Variants in NRXN3 observed in about 807,000 individuals in gnomAD.
NRXN3 encodes neurexin 3.
Under a neutral mutation model 137.6 loss-of-function variants are expected in NRXN3, and 32 were observed. The ratio of observed to expected loss-of-function variants is 0.23; its 90% CI spans 0.18 to 0.31. The LOEUF is 0.31. Among genes scored for constraint, NRXN3 ranks in the 10% least tolerant of loss-of-function variants. NRXN3 has a pLI of 1.00. For synonymous variants in NRXN3, 798 were observed against 784.5 expected (o/e 1.02, Z -0.29); for missense variants, 1,574 against 2,062.5 (o/e 0.76, Z 4.59).
At chr14:78,639,571 C>T (rs1347153818) in intron 4 of NRXN3, among the ~76,000 whole-genome samples, 1 of 152,198 alleles carries the variant, frequency 6.6e-6, no homozygotes, top group Non-Finnish European at 1.5e-5. Context: ...ACCTACTCCC[C>T]TACTTGCCTG....
At chr14:79,705,472 T>G (rs1416106090) in intron 19 of NRXN3, among the ~76,000 whole-genome samples, 2 of 152,170 alleles carry the variant, frequency 1.3e-5, no homozygotes, top group South Asian at 2.1e-4. Context: ...AAAATTGATA[T>G]TTGACTTTTT....
At chr14:78,447,543 C>T (rs2094449679) in intron 4 of NRXN3, among the ~76,000 whole-genome samples, 2 of 152,182 alleles carry the variant, frequency 1.3e-5, no homozygotes, top group Non-Finnish European at 2.9e-5. Context: ...GAGGGGCCAG[C>T]CCTTGTCTGG....
chr14:78,402,365 A>G (rs1567487716), intron 4 of NRXN3, among the ~76,000 whole-genome samples: 1 of 152,206 alleles, frequency 6.6e-6, no homozygotes, highest in African/African-American at 2.4e-5. Context: ...AAGTGGATTG[A>G]TGGGTCTTTT....
At chr14:78,254,326 T>C (rs186975624) in intron 2 of NRXN3, among the ~76,000 whole-genome samples, 13 of 152,276 alleles carry the variant, frequency 8.5e-5, no homozygotes, top group African/African-American at 3.1e-4. Context: ...CATACCCAAC[T>C]AGGTTTTTAG....
chr14:78,769,687 C>G (rs1387729688), intron 8 of NRXN3, among the ~76,000 whole-genome samples: 1 of 152,188 alleles, frequency 6.6e-6, no homozygotes, highest in African/African-American at 2.4e-5. Context: ...CAGTGACACA[C>G]CTAACCATGC....
intron 15 of NRXN3, among the ~76,000 whole-genome samples, chr14:79,230,915 T>G (rs1469434770): frequency 4.6e-5 from 7 of 152,146 alleles, no homozygotes; most frequent in Non-Finnish European, 1.0e-4. Flanking sequence ...CCTTTTACCC[T>G]TTTCTTAGCA....
chr14:79,042,198 C>T (rs1250739088), intron 15 of NRXN3, among the ~76,000 whole-genome samples: 1 of 152,224 alleles, frequency 6.6e-6, no homozygotes, highest in Non-Finnish European at 1.5e-5. Context: ...TCCTTACATG[C>T]AGCTGGTTCT....
At chr14:79,115,262 C>T (rs1299299479) in intron 15 of NRXN3, among the ~76,000 whole-genome samples, 1 of 148,558 alleles carries the variant, frequency 6.7e-6, no homozygotes, top group Non-Finnish European at 1.5e-5. Flanking sequence ...GAGACGGAGG[C>T]TGCGGTCAGC....
At chr14:78,778,796 C>CTTTG (rs1464716049) in intron 8 of NRXN3, among the ~76,000 whole-genome samples, 1 of 119,868 alleles carries the variant, frequency 8.3e-6, no homozygotes, top group African/African-American at 3.4e-5. Flanking sequence ...TTCTTTCTTT[C>CTTTG]TTTCTTTCTT....
intron 15 of NRXN3, among the ~76,000 whole-genome samples, chr14:79,325,832 A>G (rs1020786280): frequency 3.9e-5 from 6 of 152,136 alleles, no homozygotes; most frequent in South Asian, 2.1e-4. Flanking sequence ...TGTGTGCACA[A>G]TGCCATCTTG....
At chr14:79,371,307 T>A (rs1233245876) in intron 15 of NRXN3, among the ~76,000 whole-genome samples, 1 of 151,954 alleles carries the variant, frequency 6.6e-6, no homozygotes, top group East Asian at 1.9e-4. Flanking sequence ...TCACAGAGAG[T>A]TAGGGTGACA....
chr14:79,650,395 T>C (rs780793080), intron 16 of NRXN3, among the ~76,000 whole-genome samples: 6 of 152,178 alleles, frequency 3.9e-5, no homozygotes, highest in Non-Finnish European at 8.8e-5. Context: ...TTTGTCCCCA[T>C]CAGCGATCTA....
chr14:79,508,150 T>C (rs2096895521), intron 16 of NRXN3, among the ~76,000 whole-genome samples: 1 of 152,096 alleles, frequency 6.6e-6, no homozygotes, highest in Non-Finnish European at 1.5e-5. Flanking sequence ...TCGTAATCTA[T>C]TAAATGGGGC....
chr14:78,549,008 C>T (rs1457295318), intron 4 of NRXN3, among the ~76,000 whole-genome samples: 1 of 152,216 alleles, frequency 6.6e-6, no homozygotes, highest in Non-Finnish European at 1.5e-5. Flanking sequence ...GGGACCAGGA[C>T]TCTCACTTCC....
rs540055241 is a variant in NRXN3 at position 79,780,566 on chromosome 14, G to A, written c.4015-24546G>A. 7.6e-4 allele frequency among the ~76,000 whole-genome samples: 115 copies of A among 152,152 alleles called. 2 individuals carry two copies. In the South Asian group the frequency reaches 0.019, roughly 25 times the overall value. On this transcript the variant is annotated intron_variant, in intron 19 of 20. Coordinates refer to ENST00000335750, the MANE Select transcript of NRXN3 (RefSeq NM_001330195.2). ...GGAGCTTGCAGTGAGTCGAGACTGC[G>A]CCACTGCACTCCAGCCTGGGCGACA... is the stretch of plus-strand genomic sequence containing the variant.
chr14:78,969,991 T>C (rs1309283285), intron 14 of NRXN3, among the ~76,000 whole-genome samples: 3 of 152,180 alleles, frequency 2.0e-5, no homozygotes, highest in Non-Finnish European at 2.9e-5. Context: ...TAAAGGGCAA[T>C]CCTGGAATAG....
chr14:79,710,781 C>CTCTTT (rs2098800719), intron 19 of NRXN3, among the ~76,000 whole-genome samples: 2 of 152,114 alleles, frequency 1.3e-5, no homozygotes, highest in South Asian at 4.1e-4. Context: ...GACAAAAACC[C>CTCTTT]TCTTTTCTTA....
chr14:79,745,279 G>A (rs1352294945), intron 19 of NRXN3, among the ~76,000 whole-genome samples: 1 of 152,068 alleles, frequency 6.6e-6, no homozygotes, highest in Non-Finnish European at 1.5e-5. Context: ...AAGACCTTCT[G>A]TAGCTGTTCT....
intron 16 of NRXN3, among the ~76,000 whole-genome samples, chr14:79,566,604 CAT>C (rs1315235265): frequency 6.6e-6 from 1 of 152,076 alleles, no homozygotes; most frequent in Non-Finnish European, 1.5e-5. Flanking sequence ...AATGCCCAGA[CAT>C]ACATCACCAG....
Sources: allele counts gnomAD v4.1 joint callset (sites outside exome capture counted in the v4.1 genomes callset), GRCh38; gene constraint gnomAD v4.1.1; transcripts MANE v1.5; gene names NCBI Gene and HGNC (gene_info 2026-07-23, HGNC 2026-07-21).